The following EGFL8 variants were observed in gnomAD, a reference collection of about 807,000 sequenced individuals.
EGFL8 encodes the protein epidermal growth factor-like protein 8.
EGFL8 carries 32 observed loss-of-function variants against 39.4 expected under a neutral mutation model. The ratio of observed to expected loss-of-function variants is 0.81; its 90% confidence interval spans 0.61 to 1.09. The LOEUF is 1.09. Among genes scored for constraint, EGFL8 ranks in the 50% least tolerant of loss-of-function variants. The pLI is 0.00. For missense variants in EGFL8, 385 were observed against 402.2 expected (o/e 0.96, Z 0.37); for synonymous variants, 177 against 168.5 (o/e 1.05, Z -0.39).
intron 1 of EGFL8, chr6:32,165,802 A>AAC (rs1462460200): frequency 2.6e-6 from 1 of 384,312 alleles, no homozygotes; most frequent in African/African-American, 2.0e-5. Flanking sequence ...CAAAAACAAA[A>AAC]AAAAACCCAA....
intron 1 of EGFL8, chr6:32,165,924 G>A: frequency 1.7e-6 from 1 of 595,358 alleles, no homozygotes; most frequent in Non-Finnish European, 3.0e-6. Context: ...GTGCTGGGGT[G>A]TGAGCTTTTA....
In EGFL8 at chr6:32,168,093, T is replaced by C; in HGVS notation, c.*137T>C. ...ATGAACAATGGAAACTTCAGAGAGC[T>C]GAAGAAAGGGGGAGGCCTGTGTTCT... On this transcript the variant is annotated 3_prime_UTR_variant, in exon 9 of 9. Transcript: ENST00000333845. This position sits in a 1 kb window ranked among gnomAD's most constrained non-coding sequence, Gnocchi z 4.5. 1 of 930,944 alleles carries C rather than the reference T, an allele frequency of 1.1e-6. No homozygotes were observed. Among genetic ancestry groups the C allele is most frequent in the Non-Finnish European group, 1.7e-6 (1 of 596,346 alleles). 57.7% of individuals were successfully genotyped at this position (930,944 alleles called of 1,614,324 possible).
chr6:32,166,493 C>A lies in EGFL8; in HGVS notation c.102-5C>A, dbSNP rs769920311. 6.2e-7 allele frequency: 1 copy of A among 1,613,456 alleles called. No individual in the cohort carries two copies. Among genetic ancestry groups the A allele is most frequent in the South Asian group, 1.1e-5 (1 of 91,090 alleles). On this transcript the variant is annotated splice_polypyrimidine_tract_variant and splice_region_variant and intron_variant, in intron 2 of 8. Transcript: ENST00000333845. The surrounding 1 kb of genome is among the most constrained non-coding windows in gnomAD (Gnocchi z 7.3). ...CTCCCACCTCATCCTCTGGCATGGA[C>A]GCAGTCAGGGAGTCTGCTCCAAGCA...
chr6:32,167,670 C>T lies in EGFL8; in HGVS notation c.835+14C>T, dbSNP rs1010828307. The T allele has an allele frequency of 1.0e-5, 16 of 1,588,902 alleles. No individual in the cohort carries two copies. Among genetic ancestry groups the T allele is most frequent in the Non-Finnish European group, 1.4e-5 (16 of 1,167,010 alleles). ...GGCTAGGTGCCTGTGAGTCCTCACA[C>T]TCCTCCCGCCTTGACTTCTATTCCC... is the stretch of plus-strand genomic sequence containing the variant. On this transcript the variant is annotated intron_variant, in intron 8 of 8. Coordinates refer to ENST00000333845, the MANE Select transcript of EGFL8 (RefSeq NM_030652.4). This position sits in a 1 kb window ranked among gnomAD's most constrained non-coding sequence, Gnocchi z 6.4.
Position 32,166,237 on chromosome 6 carries a change from G to A in EGFL8, c.72G>A (p.Glu24=), listed in dbSNP as rs759664219. 2.5e-6 allele frequency: 4 copies of A among 1,613,978 alleles called. No homozygotes were observed. Among genetic ancestry groups the A allele is most frequent in the Non-Finnish European group, 2.5e-6 (3 of 1,180,014 alleles). The change falls in exon 2 of 9, where the codon GAG becomes GAA. Residue 24 remains glutamate (E), a synonymous_variant. Transcript: ENST00000333845. The surrounding 1 kb of genome is among the most constrained non-coding windows in gnomAD (Gnocchi z 7.3). ...FSFLLLLIPG[E]GAKGGSLRES... ...TCCTCCTGCTACTGATACCAGGCGAGGGGGCCAAGGGTGGATCCCTCAGAG... is the reference window on the plus strand; with the variant it reads ...TCCTCCTGCTACTGATACCAGGCGAAGGGGCCAAGGGTGGATCCCTCAGAG...
chr6:32,167,070 C>A lies in EGFL8; in HGVS notation c.431-17C>A. On this transcript the variant is annotated splice_polypyrimidine_tract_variant and intron_variant, in intron 5 of 8. Transcript: ENST00000333845. The surrounding 1 kb of genome is among the most constrained non-coding windows in gnomAD (Gnocchi z 6.4). ...CCCCGCCCCCTCTCTCAGCCCCTTC[C>A]TTTTTTCGGTAACTAGACGTGGATG... is the stretch of plus-strand genomic sequence containing the variant. 6.2e-7 allele frequency: 1 copy of A among 1,613,086 alleles called. No individual in the cohort carries two copies. Among genetic ancestry groups the A allele is most frequent in the Admixed American group, 1.7e-5 (1 of 60,028 alleles).
Position 32,166,508 on chromosome 6 carries a change from T to G in EGFL8, c.112T>G (p.Cys38Gly), listed in dbSNP as rs1296232178. 1 of 1,613,618 alleles carries G rather than the reference T, an allele frequency of 6.2e-7. No individual in the cohort carries two copies. The change falls in exon 3 of 9, where the codon TGC becomes GGC. Residue 38 changes from cysteine (C) to glycine (G), a missense_variant. Physicochemically the swap from Cys to Gly is radical, Grantham distance 159. Coordinates refer to ENST00000333845, the MANE Select transcript of EGFL8 (RefSeq NM_030652.4). The surrounding 1 kb of genome is among the most constrained non-coding windows in gnomAD (Gnocchi z 7.3). Reference protein sequence around the residue: ...GGSLRESQGVCSKQTLVVPLH... With the variant: ...GGSLRESQGVGSKQTLVVPLH... ...CTGGCATGGACGCAGTCAGGGAGTC[T>G]GCTCCAAGCAGACACTGGTGGTCCC... is the stretch of plus-strand genomic sequence containing the variant.
intron 1 of EGFL8, chr6:32,165,213 G>A (rs1385628460): frequency 6.7e-6 from 1 of 149,972 alleles, no homozygotes; most frequent in African/African-American, 2.4e-5. Flanking sequence ...CGCCCAACCA[G>A]CTAGGGTTTT....
At chr6:32,165,967 A>G (rs931730851) in intron 1 of EGFL8, 171 bp from the exon 2 acceptor site, 15 of 628,546 alleles carry the variant, frequency 2.4e-5, no homozygotes, top group Non-Finnish European at 2.0e-5. Flanking sequence ...TGCTAAGGAC[A>G]GGATAGTGTT....
chr6:32,167,037 G>A lies in EGFL8; in HGVS notation c.430+32G>A. Reference sequence around the variant, plus strand: ...CAGCTTGTCCTCCCCACCTACCCAGGTGCTTGCCCCCGCCCCCTCTCTCAG... The same window carrying A: ...CAGCTTGTCCTCCCCACCTACCCAGATGCTTGCCCCCGCCCCCTCTCTCAG... On this transcript the variant is annotated intron_variant, in intron 5 of 8. Coordinates refer to ENST00000333845, the MANE Select transcript of EGFL8 (RefSeq NM_030652.4). The surrounding 1 kb of genome is among the most constrained non-coding windows in gnomAD (Gnocchi z 6.4). 1 of 1,612,992 alleles carries A rather than the reference G, an allele frequency of 6.2e-7. No homozygotes were observed. The highest frequency in any genetic ancestry group is 8.5e-7 in the Non-Finnish European group (1 of 1,179,978).
In EGFL8 at chr6:32,166,449, G is replaced by A; in HGVS notation, c.102-49G>A. 6.2e-7 allele frequency: 1 copy of A among 1,612,714 alleles called. No homozygotes were observed. Among genetic ancestry groups the A allele is most frequent in the Non-Finnish European group, 8.5e-7 (1 of 1,179,736 alleles). On this transcript the variant is annotated intron_variant, in intron 2 of 8. Coordinates refer to ENST00000333845, the MANE Select transcript of EGFL8 (RefSeq NM_030652.4). The surrounding 1 kb of genome is among the most constrained non-coding windows in gnomAD (Gnocchi z 7.3). ...GGAAGTGGGACTCCTGGCTCCCCAG[G>A]GCCTGGCCTACTCAATCTCTCCCAC... is the stretch of plus-strand genomic sequence containing the variant.
Position 32,166,839 on chromosome 6 carries a change from G to A in EGFL8, c.334+29G>A, listed in dbSNP as rs1183903518. ...AGGCTGGGTCTTCCGGGCCTTGCGG[G>A]AGGCGCGCCCCACGGAGCTGGGGAG... is the stretch of plus-strand genomic sequence containing the variant. On this transcript the variant is annotated intron_variant, in intron 4 of 8. Coordinates refer to ENST00000333845, the MANE Select transcript of EGFL8 (RefSeq NM_030652.4). The surrounding 1 kb of genome is among the most constrained non-coding windows in gnomAD (Gnocchi z 7.3). 2 of 1,574,078 alleles carry A rather than the reference G, an allele frequency of 1.3e-6. No homozygotes were observed. Among genetic ancestry groups the A allele is most frequent in the African/African-American group, 1.4e-5 (1 of 73,670 alleles).
chr6:32,167,345 C>T lies in EGFL8; in HGVS notation c.602-5C>T. 2.5e-6 allele frequency: 4 copies of T among 1,613,052 alleles called. No homozygotes were observed. The highest frequency in any genetic ancestry group is 3.4e-6 in the Non-Finnish European group (4 of 1,180,030). On this transcript the variant is annotated splice_region_variant and splice_polypyrimidine_tract_variant and intron_variant, in intron 6 of 8. Coordinates refer to ENST00000333845, the MANE Select transcript of EGFL8 (RefSeq NM_030652.4). The surrounding 1 kb of genome is among the most constrained non-coding windows in gnomAD (Gnocchi z 6.4). Reference sequence around the variant, plus strand: ...GGTCACACTCTTGGTCTCCTTTGTCCCTAGTTCGGGAGGCGGAAAAAGATG... The same window carrying T: ...GGTCACACTCTTGGTCTCCTTTGTCTCTAGTTCGGGAGGCGGAAAAAGATG...
Position 32,167,933 on chromosome 6 carries a change from G to T in EGFL8, c.859G>T (p.Gly287Cys). 1 of 1,614,108 alleles carries T rather than the reference G, an allele frequency of 6.2e-7. No individual in the cohort carries two copies. Among genetic ancestry groups the T allele is most frequent in the Non-Finnish European group, 8.5e-7 (1 of 1,180,032 alleles). Residue 287 changes from glycine to cysteine, a missense_variant, in exon 9 of 9, where the codon GGC becomes TGC. Transcript: ENST00000333845. This position sits in a 1 kb window ranked among gnomAD's most constrained non-coding sequence, Gnocchi z 6.4. ...GACSCEDNSLGLGVNHR is the reference protein window; with the variant it reads ...GACSCEDNSLCLGVNHR Reference sequence around the variant, plus strand: ...AGGCTCCTGTGAGGACAACAGCCTGGGCCTCGGCGTCAATCATCGATAAGA... The same window carrying T: ...AGGCTCCTGTGAGGACAACAGCCTGTGCCTCGGCGTCAATCATCGATAAGA...
chr6:32,167,455 G>C lies in EGFL8; in HGVS notation c.681+26G>C, dbSNP rs762437524. The C allele has an allele frequency of 1.9e-6, 3 of 1,611,868 alleles. No individual in the cohort carries two copies. In the African/African-American group the frequency reaches 4.0e-5, roughly 22 times the overall value. On this transcript the variant is annotated intron_variant, in intron 7 of 8. Coordinates refer to ENST00000333845, the MANE Select transcript of EGFL8 (RefSeq NM_030652.4). This position sits in a 1 kb window ranked among gnomAD's most constrained non-coding sequence, Gnocchi z 6.4. ...GTGAGCCAAGCCTGCTGGGTGGGGCGAGGCCAGACGTCACTGTCAATACCC... is the reference window on the plus strand; with the variant it reads ...GTGAGCCAAGCCTGCTGGGTGGGGCCAGGCCAGACGTCACTGTCAATACCC...
In EGFL8 at chr6:32,168,070, G is replaced by A; in HGVS notation, c.*114G>A. 1 of 1,110,940 alleles carries A rather than the reference G, an allele frequency of 9.0e-7. No homozygotes were observed. The highest frequency in any genetic ancestry group is 1.3e-5 in the South Asian group (1 of 76,568). 68.8% of individuals were successfully genotyped at this position (1,110,940 alleles called of 1,614,324 possible). A position where few individuals can be genotyped will look rare whatever the true frequency, so the allele number is the denominator to read the frequency against. On this transcript the variant is annotated 3_prime_UTR_variant, in exon 9 of 9. Transcript: ENST00000333845. The surrounding 1 kb of genome is among the most constrained non-coding windows in gnomAD (Gnocchi z 4.5). ...AGGCTATCAGCCACCAAAGAGCAATGAACAATGGAAACTTCAGAGAGCTGA... is the reference window on the plus strand; with the variant it reads ...AGGCTATCAGCCACCAAAGAGCAATAAACAATGGAAACTTCAGAGAGCTGA...
chr6:32,168,113 T>C lies in EGFL8; in HGVS notation c.*157T>C. On this transcript the variant is annotated 3_prime_UTR_variant, in exon 9 of 9. Transcript: ENST00000333845. This position sits in a 1 kb window ranked among gnomAD's most constrained non-coding sequence, Gnocchi z 4.5. ...AGAGCTGAAGAAAGGGGGAGGCCTG[T>C]GTTCTTGGCCTGCCCCTGAGTCTTC... 1 of 761,366 alleles carries C rather than the reference T, an allele frequency of 1.3e-6. No individual in the cohort carries two copies. Among genetic ancestry groups the C allele is most frequent in the East Asian group, 2.7e-5 (1 of 37,030 alleles). The allele number at this position is 761,366 out of a possible 1,614,324, so 47.2% of individuals were successfully genotyped here.
rs762701687 is a variant in EGFL8, at chr6:32,167,954, T to C, written c.880T>C (p.Ter294GlnextTer18). 2 of 1,614,190 alleles carry C rather than the reference T, an allele frequency of 1.2e-6. No homozygotes were observed. The highest frequency in any genetic ancestry group is 4.5e-5 in the East Asian group (2 of 44,882). Reference protein sequence around the residue: ...NSLGLGVNHR* With the variant: ...NSLGLGVNHRQ ...CCTGGGCCTCGGCGTCAATCATCGA[T>C]AAGAAGCCTCTACAGCACCCCTGCC... is the stretch of plus-strand genomic sequence containing the variant. Residue 294 changes from the stop codon to glutamine, a stop_lost, in exon 9 of 9, where the codon TAA (stop) becomes CAA (glutamine). Transcript: ENST00000333845. The surrounding 1 kb of genome is among the most constrained non-coding windows in gnomAD (Gnocchi z 6.4).
At position 32,168,126 on chromosome 6, in the gene EGFL8, C is replaced by T. The variant is rs901419043; in HGVS notation, c.*170C>T. 4.7e-6 allele frequency: 3 copies of T among 640,606 alleles called. No homozygotes were observed. The African/African-American group carries it at 5.5e-5, about 12-fold the overall frequency. The allele number at this position is 640,606 out of a possible 1,614,324, so 39.7% of individuals were successfully genotyped here. A position where few individuals can be genotyped will look rare whatever the true frequency, so the allele number is the denominator to read the frequency against. The stretch of plus-strand genomic sequence containing the variant: ...GGGGGAGGCCTGTGTTCTTGGCCTG[C>T]CCCTGAGTCTTCTGGCTGGGGGCAG... On this transcript the variant is annotated 3_prime_UTR_variant, in exon 9 of 9. Coordinates refer to ENST00000333845, the MANE Select transcript of EGFL8 (RefSeq NM_030652.4). The surrounding 1 kb of genome is among the most constrained non-coding windows in gnomAD (Gnocchi z 4.5).
Sources: allele counts gnomAD v4.1 joint callset, GRCh38; gene constraint gnomAD v4.1.1; non-coding constraint Gnocchi (gnomAD v3.1); transcripts MANE v1.5; gene names NCBI Gene and HGNC (gene_info 2026-07-23, HGNC 2026-07-21).